CPED1: variants seen among roughly 807,000 people sequenced by gnomAD.
CPED1 encodes the protein cadherin-like and PC-esterase domain-containing protein 1.
In CPED1, 114 loss-of-function variants were observed where a neutral mutation model predicts 128.2. That is an observed-to-expected ratio of 0.89 (90% CI 0.76 to 1.04). The LOEUF is 1.04. CPED1 is among the 50% of genes least tolerant of loss of function. The pLI is 0.00. For missense variants in CPED1, 1,211 were observed against 1,207.1 expected, an observed-to-expected ratio of 1.00 and a Z score of -0.05; for synonymous variants, 462 against 426.7, an observed-to-expected ratio of 1.08 and a Z score of -1.02.
At chr7:121,024,701 A>C (rs909966143) in intron 3 of CPED1, among the ~76,000 whole-genome samples, 2 of 152,186 alleles carry the variant, frequency 1.3e-5, no homozygotes, top group Admixed American at 1.3e-4. Flanking sequence ...TTAAAATGGA[A>C]AAAAGACTAT....
In CPED1 at chr7:121,106,111, G is replaced by A. The variant is rs563688479; in HGVS notation, c.918+6017G>A. Among the ~76,000 whole-genome samples, 12 of 152,028 alleles carry A rather than the reference G, an allele frequency of 7.9e-5. 1 individual carries two copies. The South Asian group carries it at 2.5e-3, about 32-fold the overall frequency. The stretch of plus-strand genomic sequence containing the variant: ...TCTATCATCCTTATTTTAATTAAAG[G>A]TACCTCATTAATAATAACTTATTAA... On this transcript the variant is annotated intron_variant, in intron 7 of 22. Transcript: ENST00000310396.
chr7:121,141,789 A>G (rs1795909486), intron 15 of CPED1, among the ~76,000 whole-genome samples, 184 bp from the exon 16 acceptor site: 1 of 152,126 alleles, frequency 6.6e-6, no homozygotes, highest in African/African-American at 2.4e-5. Flanking sequence ...CACTCTTGGC[A>G]TAGTAAAGTA....
At chr7:121,254,022 A>G (rs992942704) in intron 18 of CPED1, among the ~76,000 whole-genome samples, 1 of 152,194 alleles carries the variant, frequency 6.6e-6, no homozygotes, top group East Asian at 1.9e-4. Flanking sequence ...GGAAACTAAC[A>G]AAGAAACTCT....
intron 11 of CPED1, 42 bp from the exon 12 acceptor site, chr7:121,130,083 A>G (rs766204376): frequency 1.4e-6 from 2 of 1,470,718 alleles, no homozygotes; most frequent in Admixed American, 3.4e-5. Flanking sequence ...ACTACATTAT[A>G]ATTTGTTTTC....
chr7:121,070,526 A>T (rs945939425), intron 5 of CPED1, among the ~76,000 whole-genome samples: 4 of 152,160 alleles, frequency 2.6e-5, no homozygotes, highest in Admixed American at 6.5e-5. Context: ...AAGTAAGCTG[A>T]TGGAACTAAT....
intron 3 of CPED1, among the ~76,000 whole-genome samples, chr7:121,028,230 T>G (rs1388776733): frequency 1.3e-5 from 2 of 152,178 alleles, no homozygotes; most frequent in African/African-American, 4.8e-5. Flanking sequence ...TCTAACAAGT[T>G]TCCAGGTAAT....
At chr7:121,069,396 A>G (rs1793933950) in intron 5 of CPED1, among the ~76,000 whole-genome samples, 2 of 152,162 alleles carry the variant, frequency 1.3e-5, no homozygotes, top group Admixed American at 1.3e-4. Flanking sequence ...CTTGTCACAG[A>G]CTTTATCTTC....
intron 16 of CPED1, among the ~76,000 whole-genome samples, chr7:121,168,878 A>G (rs966827098): frequency 6.6e-5 from 10 of 152,196 alleles, no homozygotes; most frequent in African/African-American, 2.4e-4. Context: ...GACTATTTAT[A>G]AAGGTAGACA....
At chr7:121,267,176 T>C (rs1157827457) in intron 20 of CPED1, 39 bp from the exon 21 acceptor site, 3 of 1,096,500 alleles carry the variant, frequency 2.7e-6, no homozygotes, top group Middle Eastern at 4.1e-4. Flanking sequence ...GAAATGTAAT[T>C]AAAGTTACTG....
chr7:121,242,972 C>A (rs1337229951), intron 17 of CPED1, among the ~76,000 whole-genome samples: 2 of 152,078 alleles, frequency 1.3e-5, no homozygotes, highest in Non-Finnish European at 2.9e-5. Context: ...ATTCTAACAT[C>A]CCTGAAGTCA....
chr7:121,207,026 T>C (rs1040700415), intron 16 of CPED1, among the ~76,000 whole-genome samples: 4 of 152,040 alleles, frequency 2.6e-5, no homozygotes, highest in African/African-American at 9.7e-5. Context: ...AACTTTCTTT[T>C]TTCTCCAACT....
intron 20 of CPED1, among the ~76,000 whole-genome samples, 171 bp from the exon 21 acceptor site, chr7:121,267,043 AC>A (rs1253288573): frequency 1.3e-5 from 2 of 151,930 alleles, no homozygotes; most frequent in African/African-American, 4.8e-5. Context: ...GACACCTAAA[AC>A]TCTATCTTAA....
chr7:121,121,810 T>C (rs1795395632), intron 7 of CPED1, among the ~76,000 whole-genome samples: 1 of 152,204 alleles, frequency 6.6e-6, no homozygotes. Context: ...TAATTTCAGA[T>C]TTGTCATTGT....
intron 16 of CPED1, among the ~76,000 whole-genome samples, chr7:121,214,332 A>G (rs1418758195): frequency 6.6e-6 from 1 of 151,906 alleles, no homozygotes; most frequent in Non-Finnish European, 1.5e-5. Context: ...TCACTCTGTC[A>G]CCCAGGCTAG....
intron 16 of CPED1, among the ~76,000 whole-genome samples, chr7:121,164,108 C>A (rs1276902824): frequency 6.6e-6 from 1 of 152,222 alleles, no homozygotes; most frequent in African/African-American, 2.4e-5. Flanking sequence ...CATCACAAAT[C>A]TGATTTGAAG....
chr7:121,145,445 T>C (rs1796003725), intron 16 of CPED1, among the ~76,000 whole-genome samples: 1 of 152,108 alleles, frequency 6.6e-6, no homozygotes, highest in South Asian at 2.1e-4. Flanking sequence ...ACAGTTTATG[T>C]GTGGTCCCAC....
intron 5 of CPED1, among the ~76,000 whole-genome samples, chr7:121,065,342 A>AT (rs1260296473): frequency 7.9e-5 from 12 of 152,068 alleles, no homozygotes; most frequent in African/African-American, 1.9e-4. Flanking sequence ...CATAAGCTGA[A>AT]TTTTTTTTGT....
intron 16 of CPED1, among the ~76,000 whole-genome samples, chr7:121,200,638 A>G (rs1797374754): frequency 6.6e-6 from 1 of 152,122 alleles, no homozygotes; most frequent in East Asian, 1.9e-4. Context: ...GTCTCCCCAC[A>G]AATTTTAAAG....
intron 16 of CPED1, among the ~76,000 whole-genome samples, chr7:121,145,141 A>G (rs1795995130): frequency 6.6e-6 from 1 of 151,140 alleles, no homozygotes; most frequent in Non-Finnish European, 1.5e-5. Flanking sequence ...GTATTTGTGT[A>G]TATATATATA....
Sources: allele counts gnomAD v4.1 joint callset (sites outside exome capture counted in the v4.1 genomes callset), GRCh38; gene constraint gnomAD v4.1.1; transcripts MANE v1.5; gene names NCBI Gene and HGNC (gene_info 2026-07-23, HGNC 2026-07-21).